The following CAMTA1 variants were observed in gnomAD, a reference collection of about 807,000 sequenced individuals.
CAMTA1 encodes calmodulin binding transcription activator 1, also known as calmodulin-binding transcription activator 1.
In CAMTA1, 27 loss-of-function variants were observed where a neutral mutation model predicts 170.9. The observed-to-expected ratio is 0.16, with a 90% confidence interval of 0.12 to 0.22. The LOEUF is 0.22. CAMTA1 is among the 10% of genes least tolerant of loss of function. The probability of loss-of-function intolerance (pLI) is 1.00; values close to 1 mark genes in which losing one functional copy is unlikely to be tolerated. For synonymous variants in CAMTA1, 833 were observed against 891.5 expected (o/e 0.93, Z 1.17); for missense variants, 1,619 against 2,217.2 (o/e 0.73, Z 5.42).
chr1:7,488,601 T>G (rs61772234), intron 6 of CAMTA1, among the ~76,000 whole-genome samples: 4 of 152,102 alleles, frequency 2.6e-5, no homozygotes, highest in Non-Finnish European at 5.9e-5. Flanking sequence ...CATACATGCA[T>G]GATACATGTA....
In CAMTA1 at chr1:7,444,847, A is replaced by T. The variant is rs952287786; in HGVS notation, c.439-22983A>T. ...AACACAAAGACATACAGGTTCAAAGACTTGTTCAACAAGCAATTGAGCACC... is the reference window on the plus strand; with the variant it reads ...AACACAAAGACATACAGGTTCAAAGTCTTGTTCAACAAGCAATTGAGCACC... On this transcript the variant is annotated intron_variant, in intron 5 of 22. Transcript: ENST00000303635. Among the ~76,000 whole-genome samples, 4 of 152,166 alleles carry T rather than the reference A, an allele frequency of 2.6e-5. No individual in the cohort carries two copies. In the South Asian group the frequency reaches 8.3e-4, roughly 32 times the overall value.
intron 5 of CAMTA1, among the ~76,000 whole-genome samples, chr1:7,421,611 G>A (rs1003807459): frequency 3.9e-5 from 6 of 152,148 alleles, no homozygotes; most frequent in African/African-American, 4.8e-5. Flanking sequence ...AGGTAACAAC[G>A]GCCTCCCCCT....
At chr1:6,977,821 G>T (rs74224531) in intron 3 of CAMTA1, among the ~76,000 whole-genome samples, 2,459 of 152,238 alleles carry the variant, frequency 0.016, 158 homozygotes, top group East Asian at 0.15. Context: ...TCCTTTGAGT[G>T]TAAACAAGCC....
intron 21 of CAMTA1, among the ~76,000 whole-genome samples, chr1:7,753,468 C>T (rs527587765): frequency 9.1e-4 from 138 of 152,326 alleles, no homozygotes; most frequent in African/African-American, 3.1e-3. Flanking sequence ...CTTACTTCCT[C>T]TTCCTATTTA....
intron 5 of CAMTA1, among the ~76,000 whole-genome samples, chr1:7,360,827 C>T (rs2085483455): frequency 6.6e-6 from 1 of 152,212 alleles, no homozygotes; most frequent in Non-Finnish European, 1.5e-5. Context: ...CCACTTTCTC[C>T]ACGCCGGAGT....
intron 11 of CAMTA1, among the ~76,000 whole-genome samples, chr1:7,710,404 C>A (rs775212517): frequency 1.3e-4 from 20 of 151,896 alleles, no homozygotes; most frequent in Non-Finnish European, 2.5e-4. Context: ...CTGAGACTAG[C>A]CTAGGCAACA....
intron 5 of CAMTA1, among the ~76,000 whole-genome samples, chr1:7,289,571 G>T (rs949620686): frequency 1.1e-4 from 17 of 152,150 alleles, no homozygotes; most frequent in Admixed American, 2.6e-4. Context: ...CCTCCCAAAA[G>T]GCATGTCCAC....
In CAMTA1 at chr1:7,347,394, G is replaced by A. The variant is rs532036728; in HGVS notation, c.438+97768G>A. 1.6e-4 allele frequency among the ~76,000 whole-genome samples: 25 copies of A among 152,316 alleles called. 1 individual carries two copies. Among genetic ancestry groups the A allele is most frequent in the East Asian group, 9.6e-4 (5 of 5,184 alleles). Reference sequence around the variant, plus strand: ...GAGCCCAGCCAGTCGGGCCTCTGCCGTCACACCAGCCCCAGGGTCACGGGC... The same window carrying A: ...GAGCCCAGCCAGTCGGGCCTCTGCCATCACACCAGCCCCAGGGTCACGGGC... On this transcript the variant is annotated intron_variant, in intron 5 of 22. Coordinates refer to ENST00000303635, the MANE Select transcript of CAMTA1 (RefSeq NM_015215.4).
intron 3 of CAMTA1, among the ~76,000 whole-genome samples, chr1:6,925,407 T>A (rs572346380): frequency 6.6e-6 from 1 of 152,330 alleles, no homozygotes; most frequent in East Asian, 1.9e-4. Context: ...GACCTCGCTT[T>A]CGAGGGGGAA....
At chr1:7,474,933 C>A (rs753177358) in intron 6 of CAMTA1, among the ~76,000 whole-genome samples, 2 of 152,192 alleles carry the variant, frequency 1.3e-5, no homozygotes, top group Non-Finnish European at 2.9e-5. Context: ...GAGCTGTGAG[C>A]TCGGTCATGG....
chr1:7,498,069 G>C (rs1398530722), intron 6 of CAMTA1, among the ~76,000 whole-genome samples: 3 of 152,258 alleles, frequency 2.0e-5, no homozygotes, highest in South Asian at 2.1e-4. Context: ...GGTGAGAGTG[G>C]GGAAGGGGTG....
chr1:7,726,091 C>G (rs902613748), intron 11 of CAMTA1, among the ~76,000 whole-genome samples: 1 of 152,242 alleles, frequency 6.6e-6, no homozygotes, highest in African/African-American at 2.4e-5. Context: ...TCATTCAGAG[C>G]TCACTTTGCC....
At chr1:7,017,943 A>G in intron 3 of CAMTA1, among the ~76,000 whole-genome samples, 1 of 148,274 alleles carries the variant, frequency 6.7e-6, no homozygotes, top group African/African-American at 2.5e-5. Flanking sequence ...CCTCCAGGCC[A>G]TGGGCCATGC....
chr1:7,319,200 G>A (rs1400266545), intron 5 of CAMTA1, among the ~76,000 whole-genome samples: 1 of 152,138 alleles, frequency 6.6e-6, no homozygotes, highest in Non-Finnish European at 1.5e-5. Flanking sequence ...CATTTACATG[G>A]AGATCTGAAG....
chr1:7,135,707 C>G (rs1176423187), intron 4 of CAMTA1, among the ~76,000 whole-genome samples: 1 of 152,142 alleles, frequency 6.6e-6, no homozygotes. Context: ...TTACAGATTG[C>G]CTGATTTGCT....
chr1:7,760,784 A>G (rs1367285164), intron 22 of CAMTA1, among the ~76,000 whole-genome samples: 2 of 152,226 alleles, frequency 1.3e-5, no homozygotes, highest in African/African-American at 4.8e-5. Flanking sequence ...AGCAACAGGT[A>G]ATAATCAGAA....
rs142502523 is a variant in CAMTA1, at chr1:6,869,777, A to G, written c.234+44567A>G. On this transcript the variant is annotated intron_variant, in intron 3 of 22. Transcript: ENST00000303635. ...AGGTGAGGCGATTGATTTCATTCCC[A>G]CGTGGGAATTTGGTTGGTTGTAATA... Among the ~76,000 whole-genome samples the G allele has an allele frequency of 8.7e-4, 133 of 152,256 alleles. 1 individual carries two copies. Among genetic ancestry groups the G allele is most frequent in the African/African-American group, 3.1e-3 (129 of 41,544 alleles).
At chr1:7,161,342 G>T (rs116181214) in intron 4 of CAMTA1, among the ~76,000 whole-genome samples, 1 of 152,044 alleles carries the variant, frequency 6.6e-6, no homozygotes, top group Non-Finnish European at 1.5e-5. Context: ...TCACAGTCAC[G>T]CCACCCAGGA....
chr1:7,357,458 C>T (rs936940560), intron 5 of CAMTA1, among the ~76,000 whole-genome samples: 1 of 152,174 alleles, frequency 6.6e-6, no homozygotes, highest in Non-Finnish European at 1.5e-5. Context: ...GCTGCAGAAC[C>T]CTGGGCAACT....
Sources: gnomAD v4.1 joint callset for allele counts (sites outside exome capture counted in the v4.1 genomes callset) on GRCh38, gnomAD v4.1.1 for gene constraint, MANE v1.5 for transcripts, NCBI Gene and HGNC (gene_info 2026-07-23, HGNC 2026-07-21) for gene names.